Variants in LRFN5 observed in about 807,000 individuals in gnomAD.
LRFN5 encodes leucine-rich repeat and fibronectin type-III domain-containing protein 5.
A neutral mutation model predicts 45.6 loss-of-function variants in LRFN5; 24 were observed. The ratio of observed to expected loss-of-function variants is 0.53; its 90% CI spans 0.38 to 0.74. The LOEUF is 0.74. Ranked by LOEUF, LRFN5 falls within the 30% of genes least tolerant of loss-of-function variation. The pLI, the probability that LRFN5 is intolerant of heterozygous loss-of-function variation, is 0.00. For synonymous variants in LRFN5, 340 were observed against 313.8 expected (o/e 1.08, Z -0.88); for missense variants, 776 against 861.5 (o/e 0.90, Z 1.24).
chr14:41,795,622 T>C (rs1178146648), intron 2 of LRFN5, among the ~76,000 whole-genome samples: 1 of 152,042 alleles, frequency 6.6e-6, no homozygotes, highest in Non-Finnish European at 1.5e-5. Flanking sequence ...TCATGTCCTT[T>C]GTAGGGACAT....
chr14:41,673,974 G>C (rs1881419883), intron 1 of LRFN5, among the ~76,000 whole-genome samples: 1 of 148,312 alleles, frequency 6.7e-6, no homozygotes, highest in Non-Finnish European at 1.5e-5. Context: ...TCCCGGACGG[G>C]GTGGCTGCCG....
At position 41,724,114 on chromosome 14, in the gene LRFN5, AGCCAAAT is replaced by A. The variant is rs376500505; in HGVS notation, c.-196-42737_-196-42731del. Among the ~76,000 whole-genome samples, 4 of 152,252 alleles carry A rather than the reference AGCCAAAT, an allele frequency of 2.6e-5. No homozygotes were observed. The East Asian group carries it at 7.7e-4, about 29-fold the overall frequency. The stretch of plus-strand genomic sequence containing the variant: ...TACTGGGGCTACACTCACTTTTATC[AGCCAAAT>A]GCTGTCATGGGGTCTGTCTACCCAT... On this transcript the variant is annotated intron_variant, in intron 1 of 5. Coordinates refer to ENST00000298119, the MANE Select transcript of LRFN5 (RefSeq NM_152447.5).
chr14:41,887,212 A>G lies in LRFN5; in HGVS notation c.587A>G (p.Lys196Arg). Residue 196 changes from lysine (K) to arginine (R), a missense_variant, in exon 3 of 6, where the codon AAG becomes AGG. Transcript: ENST00000298119. This position sits in a 1 kb window ranked among gnomAD's most constrained non-coding sequence, Gnocchi z 4.8. ...IPKGTFSHLH[K>R]MTRLDVTSNK... is the part of the protein sequence containing the mutation. The stretch of plus-strand genomic sequence containing the variant: ...AAGGGGACCTTCTCCCATTTGCACA[A>G]GATGACTCGGTTAGATGTGACATCA... The G allele has an allele frequency of 6.2e-7, 1 of 1,614,192 alleles. No homozygotes were observed.
chr14:41,615,662 A>T (rs532583119), intron 1 of LRFN5, among the ~76,000 whole-genome samples: 2 of 152,272 alleles, frequency 1.3e-5, no homozygotes, highest in African/African-American at 4.8e-5. Context: ...CAGAGAAAGC[A>T]AGAAAATGCT....
At chr14:41,898,231 C>T (rs1951884) in intron 4 of LRFN5, among the ~76,000 whole-genome samples, 21,460 of 151,830 alleles carry the variant, frequency 0.14, 1,624 homozygotes, top group East Asian at 0.22. Context: ...AATGATTAAA[C>T]GTATTTGCTT....
intron 1 of LRFN5, among the ~76,000 whole-genome samples, chr14:41,658,307 AT>A (rs894734785): frequency 3.3e-5 from 5 of 151,986 alleles, no homozygotes; most frequent in Non-Finnish European, 7.4e-5. Flanking sequence ...TAAAAAGAAA[AT>A]TAAGCTATAA....
intron 1 of LRFN5, among the ~76,000 whole-genome samples, chr14:41,694,475 A>G (rs942081639): frequency 1.3e-5 from 2 of 151,942 alleles, no homozygotes; most frequent in Non-Finnish European, 2.9e-5. Context: ...TTCACTATGC[A>G]TAGTGTTCTC....
chr14:41,734,683 A>G (rs976242920), intron 1 of LRFN5, among the ~76,000 whole-genome samples: 1 of 151,896 alleles, frequency 6.6e-6, no homozygotes, highest in African/African-American at 2.4e-5. Flanking sequence ...CTGATGGGTA[A>G]GAACTTATGC....
chr14:41,613,067 A>T (rs1887811292), intron 1 of LRFN5, among the ~76,000 whole-genome samples: 1 of 152,134 alleles, frequency 6.6e-6, no homozygotes, highest in Non-Finnish European at 1.5e-5. Flanking sequence ...TTACATGGTT[A>T]TATAACTCTG....
chr14:41,894,471 T>C (rs1890875885), intron 4 of LRFN5: 1 of 959,220 alleles, frequency 1.0e-6, no homozygotes, highest in South Asian at 4.8e-5. Flanking sequence ...GAACACTTGT[T>C]CTTAAAAATG....
intron 2 of LRFN5, among the ~76,000 whole-genome samples, chr14:41,799,957 A>G (rs1887268141): frequency 6.6e-6 from 1 of 152,014 alleles, no homozygotes. Context: ...AGGGAAAGGG[A>G]AAGAAAAAGG....
intron 4 of LRFN5, among the ~76,000 whole-genome samples, chr14:41,897,050 C>T (rs1047064476): frequency 6.6e-6 from 1 of 151,098 alleles, no homozygotes; most frequent in Non-Finnish European, 1.5e-5. Flanking sequence ...CAAGATCGTG[C>T]CACTGAACTC....
chr14:41,895,075 C>T (rs980337646), intron 4 of LRFN5: 3 of 982,698 alleles, frequency 3.1e-6, no homozygotes, highest in Non-Finnish European at 2.4e-6. Flanking sequence ...TAATGTGTTT[C>T]CTGTTATGCA....
intron 2 of LRFN5, among the ~76,000 whole-genome samples, chr14:41,805,390 TTTTATTTATTTA>T (rs60289355): frequency 1.9e-4 from 28 of 146,138 alleles, no homozygotes; most frequent in African/African-American, 2.0e-4. Context: ...ATAAGTTTTA[TTTTATTTATTTA>T]TTTATTTATT....
intron 1 of LRFN5, among the ~76,000 whole-genome samples, chr14:41,709,787 G>A (rs979654428): frequency 1.3e-5 from 2 of 151,820 alleles, no homozygotes; most frequent in African/African-American, 2.4e-5. Flanking sequence ...TTAATATTTT[G>A]TCAATAGTAA....
intron 1 of LRFN5, among the ~76,000 whole-genome samples, chr14:41,636,653 T>A (rs1879321906): frequency 6.6e-6 from 1 of 151,856 alleles, no homozygotes; most frequent in African/African-American, 2.4e-5. Context: ...GGCTATGGTC[T>A]CCAGTAGGAG....
intron 1 of LRFN5, among the ~76,000 whole-genome samples, chr14:41,744,173 G>A (rs1175003991): frequency 6.6e-6 from 1 of 151,970 alleles, no homozygotes; most frequent in Non-Finnish European, 1.5e-5. Flanking sequence ...AGGCAACATG[G>A]CAAAAATCTC....
intron 2 of LRFN5, among the ~76,000 whole-genome samples, chr14:41,792,311 G>A (rs1886951991): frequency 2.0e-5 from 3 of 152,068 alleles, no homozygotes; most frequent in Admixed American, 2.0e-4. Context: ...AAGAGTCTAT[G>A]TTCAGCTGTG....
chr14:41,889,935 C>G (rs1594500159), intron 3 of LRFN5, among the ~76,000 whole-genome samples: 1 of 152,106 alleles, frequency 6.6e-6, no homozygotes, highest in East Asian at 1.9e-4. Context: ...ACAATCTCGG[C>G]TCACTGCAAC....
Sources: gnomAD v4.1 joint callset for allele counts (sites outside exome capture counted in the v4.1 genomes callset) on GRCh38, gnomAD v4.1.1 for gene constraint, Gnocchi (gnomAD v3.1) non-coding constraint, MANE v1.5 for transcripts, NCBI Gene and HGNC (gene_info 2026-07-23, HGNC 2026-07-21) for gene names.